Variants in KHNYN observed in about 807,000 individuals in gnomAD.
The protein encoded by KHNYN is protein KHNYN.
Under a neutral mutation model 62.7 loss-of-function variants are expected in KHNYN, and 42 were observed. The ratio of observed to expected loss-of-function variants is 0.67; its 90% CI spans 0.52 to 0.87. The LOEUF (loss-of-function observed/expected upper bound fraction) is 0.87, where lower values mean the gene tolerates loss of function less well. Ranked by LOEUF, KHNYN falls within the 40% of genes least tolerant of loss-of-function variation. The pLI is 0.00. For missense variants in KHNYN, 829 were observed against 874.1 expected (o/e 0.95, Z 0.65); for synonymous variants, 347 against 345.6 (o/e 1.00, Z -0.04).
chr14:24,430,677 G>A (rs1406473464), intron 1 of KHNYN, 37 bp from the exon 2 acceptor site: 1 of 1,544,920 alleles, frequency 6.5e-7, no homozygotes, highest in African/African-American at 1.4e-5. Context: ...TGGATGGAGG[G>A]TACAATGAGG....
Position 24,432,862 on chromosome 14 carries a change from G to T in KHNYN, c.1480+10G>T, listed in dbSNP as rs1255817106. The T allele has an allele frequency of 6.2e-7, 1 of 1,614,126 alleles. No individual in the cohort carries two copies. Among genetic ancestry groups the T allele is most frequent in the African/African-American group, 1.3e-5 (1 of 74,944 alleles). On this transcript the variant is annotated intron_variant, in intron 4 of 7. Coordinates refer to ENST00000553935, the MANE Select transcript of KHNYN (RefSeq NM_015299.3). This position sits in a 1 kb window ranked among gnomAD's most constrained non-coding sequence, Gnocchi z 5.6. ...GATGCCAAAGTCAGAGGTGAGTTGG[G>T]CCTGGTCTTCAGTGTCCCAGGATAG...
chr14:24,440,629 T>G lies in KHNYN; in HGVS notation c.*3344T>G. 1.5e-6 allele frequency: 2 copies of G among 1,350,568 alleles called. No homozygotes were observed. 83.7% of individuals were successfully genotyped at this position (1,350,568 alleles called of 1,614,324 possible). A position where few individuals can be genotyped will look rare whatever the true frequency, so the allele number is the denominator to read the frequency against. ...GTAACAGAAGTGAGCAGTATGGCTG[T>G]CTTTAAGACCTCACACCTTCTCATC... On this transcript the variant is annotated 3_prime_UTR_variant, in exon 8 of 8. Coordinates refer to ENST00000553935, the MANE Select transcript of KHNYN (RefSeq NM_015299.3).
Position 24,441,662 on chromosome 14 carries a change from TG to T in KHNYN, c.*4383del, listed in dbSNP as rs1490280065. The T allele has an allele frequency of 1.3e-6, 2 of 1,571,606 alleles. No homozygotes were observed. Among genetic ancestry groups the T allele is most frequent in the Non-Finnish European group, 8.6e-7 (1 of 1,164,770 alleles). On this transcript the variant is annotated 3_prime_UTR_variant, in exon 8 of 8. Transcript: ENST00000553935. ...TGGCGAATATAAGGGGCTGGTGATT[TG>T]GGGGGCGTACCTACACCTGTGACTA...
rs1053866819 is a variant in KHNYN, at chr14:24,441,140, T to C, written c.*3855T>C. ...TTGCAGGGCTAAACTTAGAGGCTGC[T>C]AGAGTGTAGTGGTTAAGAACAGGAA... On this transcript the variant is annotated 3_prime_UTR_variant, in exon 8 of 8. Transcript: ENST00000553935. 7 of 671,500 alleles carry C rather than the reference T, an allele frequency of 1.0e-5. No homozygotes were observed. In the African/African-American group the frequency reaches 1.1e-4, roughly 10 times the overall value. 41.6% of individuals were successfully genotyped at this position (671,500 alleles called of 1,614,324 possible).
chr14:24,430,431 C>G, intron 1 of KHNYN: 1 of 1,230,368 alleles, frequency 8.1e-7, no homozygotes. Flanking sequence ...CCAGGCCGAG[C>G]TGGAGCCCCC....
chr14:24,429,916 G>A (rs997723476), upstream of KHNYN: 1 of 1,007,900 alleles, frequency 9.9e-7, no homozygotes, highest in South Asian at 3.8e-5. Context: ...GAGGAGCTGG[G>A]CTGACTCCGC....
chr14:24,434,608 T>A (rs2139390979), intron 5 of KHNYN, among the ~76,000 whole-genome samples: 1 of 152,332 alleles, frequency 6.6e-6, no homozygotes, highest in East Asian at 1.9e-4. Flanking sequence ...TTTCACCATG[T>A]TGGCCAGGGT....
In KHNYN at chr14:24,430,438, C is replaced by T. The variant is rs554407562; in HGVS notation, c.-17-276C>T. ...TCTGGCCTCCAGGCCGAGCTGGAGC[C>T]CCCCCACCCTTCTTGCTCCGGACTG... is the stretch of plus-strand genomic sequence containing the variant. On this transcript the variant is annotated intron_variant, in intron 1 of 7. Transcript: ENST00000553935. 5.8e-5 allele frequency: 72 copies of T among 1,246,438 alleles called. No individual in the cohort carries two copies. The African/African-American group carries it at 9.0e-4, about 16-fold the overall frequency. 77.2% of individuals were successfully genotyped at this position (1,246,438 alleles called of 1,614,324 possible).
rs1286511171 is a variant in KHNYN at position 24,431,921 on chromosome 14, G to A, written c.660G>A (p.Gln220=). The A allele has an allele frequency of 6.2e-7, 1 of 1,613,990 alleles. No homozygotes were observed. Among genetic ancestry groups the A allele is most frequent in the Non-Finnish European group, 8.5e-7 (1 of 1,179,944 alleles). The change falls in exon 3 of 8, where the codon CAG becomes CAA. Residue 220 remains glutamine (Q), a synonymous_variant. Coordinates refer to ENST00000553935, the MANE Select transcript of KHNYN (RefSeq NM_015299.3). The part of the protein sequence containing the change: ...EGRSSALLGA[Q]CQGVRAPPSD... ...GGAGCTCAGCCTTGCTGGGTGCTCA[G>A]TGCCAAGGAGTGAGAGCTCCCCCTA... is the stretch of plus-strand genomic sequence containing the variant.
rs755915684 is a variant in KHNYN, at chr14:24,432,319, C to G, written c.1058C>G (p.Ser353Cys). 3 of 1,614,074 alleles carry G rather than the reference C, an allele frequency of 1.9e-6. No individual in the cohort carries two copies. The Admixed American group carries it at 5.0e-5, about 27-fold the overall frequency. Reference sequence around the variant, plus strand: ...CAGCGGCTCCACAATGGGAATGCCTCTCCTCCGAGGGTGCCCAGCCCTCCA... The same window carrying G: ...CAGCGGCTCCACAATGGGAATGCCTGTCCTCCGAGGGTGCCCAGCCCTCCA... Reference protein sequence around the residue: ...LLQRLHNGNASPPRVPSPPPA... With the variant: ...LLQRLHNGNACPPRVPSPPPA... The change falls in exon 3 of 8, where the codon TCT becomes TGT. Residue 353 changes from serine to cysteine, a missense_variant. Physicochemically the swap from Ser to Cys is moderately radical, Grantham distance 112. Transcript: ENST00000553935. The surrounding 1 kb of genome is among the most constrained non-coding windows in gnomAD (Gnocchi z 5.6).
At chr14:24,429,507 C>A, upstream of KHNYN, 1 of 459,236 alleles carries the variant, frequency 2.2e-6, no homozygotes, top group Non-Finnish European at 4.2e-6. Context: ...CTTCAAAATC[C>A]CCCACAAATC....
upstream of KHNYN, among the ~76,000 whole-genome samples, chr14:24,425,997 T>G (rs765430415): frequency 6.6e-6 from 1 of 152,254 alleles, no homozygotes; most frequent in Non-Finnish European, 1.5e-5. Flanking sequence ...ACAAAATGCC[T>G]ACTATATTTA....
At chr14:24,429,177 C>T (rs1484637149), upstream of KHNYN, 1 of 993,970 alleles carries the variant, frequency 1.0e-6, no homozygotes, top group African/African-American at 1.6e-5. Context: ...TCGCTGAACC[C>T]CCTCTCCATA....
At chr14:24,436,526 A>G (rs2043207356) in intron 7 of KHNYN, 37 bp downstream of exon 7, 1 of 1,467,792 alleles carries the variant, frequency 6.8e-7, no homozygotes, top group Non-Finnish European at 9.4e-7. Flanking sequence ...GGCAGCCCCC[A>G]CCCCTGGCCC....
chr14:24,440,483 A>C lies in KHNYN; in HGVS notation c.*3198A>C. 1 of 1,605,108 alleles carries C rather than the reference A, an allele frequency of 6.2e-7. No individual in the cohort carries two copies. Among genetic ancestry groups the C allele is most frequent in the Non-Finnish European group, 8.5e-7 (1 of 1,175,862 alleles). On this transcript the variant is annotated 3_prime_UTR_variant, in exon 8 of 8. Transcript: ENST00000553935. ...GCCCATGGCACCACCCCCACGGCCC[A>C]GCACAACCCCTAGAGCAGGAAAGAG...
In KHNYN at chr14:24,430,155, A is replaced by G. The variant is rs968937737; in HGVS notation, c.-18+36A>G. On this transcript the variant is annotated intron_variant, in intron 1 of 7. Transcript: ENST00000553935. Reference sequence around the variant, plus strand: ...CCCTCCACCGCGCCCGGGAGCGGGGAGCGGGGGCCGCGGTGCGGAGTAGGC... The same window carrying G: ...CCCTCCACCGCGCCCGGGAGCGGGGGGCGGGGGCCGCGGTGCGGAGTAGGC... The G allele has an allele frequency of 5.1e-5, 50 of 982,666 alleles. No homozygotes were observed. The African/African-American group carries it at 8.6e-4, about 17-fold the overall frequency. The allele number at this position is 982,666 out of a possible 1,614,324, so 60.9% of individuals were successfully genotyped here.
At chr14:24,428,434 G>C (rs752768621), upstream of KHNYN, 3 of 1,612,486 alleles carry the variant, frequency 1.9e-6, no homozygotes, top group East Asian at 2.2e-5. Context: ...GCTGAGTGGG[G>C]CTCAGGAAAT....
Position 24,441,285 on chromosome 14 carries a change from A to T in KHNYN, c.*4000A>T, listed in dbSNP as rs1299390786. 1 of 450,166 alleles carries T rather than the reference A, an allele frequency of 2.2e-6. No individual in the cohort carries two copies. The highest frequency in any genetic ancestry group is 4.0e-6 in the Non-Finnish European group (1 of 247,298). 27.9% of individuals were successfully genotyped at this position (450,166 alleles called of 1,614,324 possible). A position where few individuals can be genotyped will look rare whatever the true frequency, so the allele number is the denominator to read the frequency against. The stretch of plus-strand genomic sequence containing the variant: ...ACATCTTTAAAATGGGAATAATAGT[A>T]CCTACCTCATAGGGTTGTTGTAAGG... On this transcript the variant is annotated 3_prime_UTR_variant, in exon 8 of 8. Coordinates refer to ENST00000553935, the MANE Select transcript of KHNYN (RefSeq NM_015299.3).
At position 24,438,425 on chromosome 14, in the gene KHNYN, G is replaced by A. The variant is rs899096205; in HGVS notation, c.*1140G>A. 6.6e-6 allele frequency: 1 copy of A among 152,562 alleles called. No homozygotes were observed. The highest frequency in any genetic ancestry group is 2.4e-5 in the African/African-American group (1 of 41,450). The allele number at this position is 152,562 out of a possible 1,614,324, so 9.5% of individuals were successfully genotyped here. On this transcript the variant is annotated 3_prime_UTR_variant, in exon 8 of 8. Transcript: ENST00000553935. ...TCTGCTTTATGTGTGTGTGTATGGG[G>A]ATGGGAGGACTTAACGGAAGTTGAA...
Sources: gnomAD v4.1 joint callset for allele counts (sites outside exome capture counted in the v4.1 genomes callset) on GRCh38, gnomAD v4.1.1 for gene constraint, Gnocchi (gnomAD v3.1) non-coding constraint, MANE v1.5 for transcripts, NCBI Gene and HGNC (gene_info 2026-07-23, HGNC 2026-07-21) for gene names.